The following MEI4 variants were observed in gnomAD, a reference collection of about 807,000 sequenced individuals.
MEI4 encodes meiotic double-stranded break formation protein 4, also known as meiosis-specific protein MEI4.
MEI4 carries 27 observed loss-of-function variants against 31.4 expected under a neutral mutation model. The observed-to-expected ratio is 0.86, with a 90% confidence interval of 0.63 to 1.19. The LOEUF (loss-of-function observed/expected upper bound fraction) is 1.19, where lower values mean the gene tolerates loss of function less well. MEI4 is among the 50% of genes most tolerant of loss of function. The pLI, the probability that MEI4 is intolerant of heterozygous loss-of-function variation, is 0.00. For synonymous variants in MEI4, 122 were observed against 145.4 expected, an observed-to-expected ratio of 0.84 and a Z score of 1.16; for missense variants, 329 against 398.9, an observed-to-expected ratio of 0.82 and a Z score of 1.49.
chr6:77,890,571 G>T (rs1771735756), intron 4 of MEI4, among the ~76,000 whole-genome samples: 1 of 152,124 alleles, frequency 6.6e-6, no homozygotes, highest in Non-Finnish European at 1.5e-5. Context: ...GGACTTTAGG[G>T]TTAATGCTAG....
At chr6:77,674,580 ATGTT>A (rs1292474787) in intron 1 of MEI4, among the ~76,000 whole-genome samples, 1 of 152,066 alleles carries the variant, frequency 6.6e-6, no homozygotes, top group African/African-American at 2.4e-5. Flanking sequence ...TATAGGGCCT[ATGTT>A]TGTAGTAGGT....
chr6:77,802,502 A>T (rs1430442298), intron 3 of MEI4, among the ~76,000 whole-genome samples: 1 of 152,160 alleles, frequency 6.6e-6, no homozygotes, highest in African/African-American at 2.4e-5. Flanking sequence ...TGTGAATTTG[A>T]TCCTATCATT....
At chr6:77,811,306 A>G (rs1769569690) in intron 3 of MEI4, among the ~76,000 whole-genome samples, 1 of 152,154 alleles carries the variant, frequency 6.6e-6, no homozygotes, top group Admixed American at 6.5e-5. Context: ...GTGAATAATC[A>G]TAAGGTGATT....
intron 2 of MEI4, among the ~76,000 whole-genome samples, chr6:77,700,056 A>T (rs1017036437): frequency 9.9e-5 from 15 of 152,190 alleles, no homozygotes; most frequent in Non-Finnish European, 2.2e-4. Flanking sequence ...GACCCACTTG[A>T]GGAGGCAGTC....
chr6:77,901,680 T>C (rs1466844545), intron 4 of MEI4, among the ~76,000 whole-genome samples: 1 of 152,110 alleles, frequency 6.6e-6, no homozygotes, highest in Non-Finnish European at 1.5e-5. Flanking sequence ...TCATTCTGTT[T>C]ATTGTTTCCT....
chr6:77,864,135 T>G (rs994495944), intron 4 of MEI4, among the ~76,000 whole-genome samples: 3 of 152,082 alleles, frequency 2.0e-5, no homozygotes, highest in African/African-American at 7.2e-5. Context: ...CATGCCAAAT[T>G]GTAAAGACCA....
intron 2 of MEI4, among the ~76,000 whole-genome samples, chr6:77,752,430 C>G (rs960172226): frequency 1.3e-5 from 2 of 152,122 alleles, no homozygotes; most frequent in African/African-American, 4.8e-5. Context: ...GATACAAAAT[C>G]AATGTGCAAA....
intron 4 of MEI4, among the ~76,000 whole-genome samples, chr6:77,866,783 A>T (rs1420471595): frequency 6.6e-6 from 1 of 152,238 alleles, no homozygotes; most frequent in Non-Finnish European, 1.5e-5. Context: ...AAGTCAAAAG[A>T]ACAAAGCTGG....
intron 2 of MEI4, among the ~76,000 whole-genome samples, chr6:77,698,017 A>G (rs937718097): frequency 1.3e-5 from 2 of 152,056 alleles, no homozygotes; most frequent in Admixed American, 1.3e-4. Flanking sequence ...TTGCCATTAG[A>G]TAATGGTCTT....
intron 4 of MEI4, among the ~76,000 whole-genome samples, chr6:77,867,472 A>C (rs1441186593): frequency 6.6e-6 from 1 of 152,256 alleles, no homozygotes; most frequent in Non-Finnish European, 1.5e-5. Flanking sequence ...AAAAATGCTC[A>C]TCATCACTGG....
At chr6:77,756,716 G>A (rs919408987) in intron 2 of MEI4, among the ~76,000 whole-genome samples, 6 of 144,350 alleles carry the variant, frequency 4.2e-5, no homozygotes, top group Admixed American at 2.9e-4. Flanking sequence ...CTGTCCTTCT[G>A]TCTCATCTTT....
intron 1 of MEI4, among the ~76,000 whole-genome samples, chr6:77,689,580 A>G (rs1582025334): frequency 6.6e-6 from 1 of 152,044 alleles, no homozygotes; most frequent in South Asian, 2.1e-4. Context: ...GTGCACAGTC[A>G]GGGCTTGGGC....
intron 4 of MEI4, among the ~76,000 whole-genome samples, chr6:77,851,883 G>A (rs1015535808): frequency 5.9e-5 from 9 of 152,070 alleles, no homozygotes; most frequent in African/African-American, 2.2e-4. Flanking sequence ...TAATGACCTA[G>A]ACATATATTC....
chr6:77,694,386 A>G (rs35198574), intron 2 of MEI4, among the ~76,000 whole-genome samples: 14,278 of 151,764 alleles, frequency 0.094, 809 homozygotes, highest in South Asian at 0.18. Context: ...AGCATTAGGT[A>G]TATCTCCTAA....
chr6:77,752,386 C>A (rs1421316083), intron 2 of MEI4, among the ~76,000 whole-genome samples: 1 of 150,714 alleles, frequency 6.6e-6, no homozygotes, highest in East Asian at 2.0e-4. Flanking sequence ...TCTCAGCTGT[C>A]TTAAGCTGAT....
intron 3 of MEI4, among the ~76,000 whole-genome samples, chr6:77,814,998 A>G (rs1769656081): frequency 2.6e-5 from 4 of 152,158 alleles, no homozygotes; most frequent in African/African-American, 9.7e-5. Context: ...TGTACCAAAT[A>G]GTGCGAGCTC....
chr6:77,667,623 C>A (rs1339105047), intron 1 of MEI4, among the ~76,000 whole-genome samples: 9 of 151,998 alleles, frequency 5.9e-5, no homozygotes, highest in Non-Finnish European at 1.0e-4. Context: ...GGAGAAAGAC[C>A]CCCAAATGGC....
intron 4 of MEI4, among the ~76,000 whole-genome samples, chr6:77,860,952 T>C (rs2127721079): frequency 6.6e-6 from 1 of 152,364 alleles, no homozygotes; most frequent in South Asian, 2.1e-4. Context: ...TGCAGCTTTC[T>C]CATACCATGT....
At chr6:77,918,124 T>TAG (rs1766607451) in intron 4 of MEI4, among the ~76,000 whole-genome samples, 1 of 150,138 alleles carries the variant, frequency 6.7e-6, no homozygotes, top group African/African-American at 2.4e-5. Context: ...TCCATTGATC[T>TAG]ATATCTCTGT....
Sources: gnomAD v4.1 joint callset for allele counts (sites outside exome capture counted in the v4.1 genomes callset) on GRCh38, gnomAD v4.1.1 for gene constraint, MANE v1.5 for transcripts, NCBI Gene and HGNC (gene_info 2026-07-23, HGNC 2026-07-21) for gene names.